Variants in PTPRA observed in about 807,000 individuals in gnomAD.
The protein encoded by PTPRA is protein tyrosine phosphatase receptor type A.
In PTPRA, 25 loss-of-function variants were observed where a neutral mutation model predicts 104.8. That is an observed-to-expected ratio of 0.24 (90% CI 0.17 to 0.33). The LOEUF (loss-of-function observed/expected upper bound fraction) is 0.33, where lower values mean the gene tolerates loss of function less well. PTPRA is among the 10% of genes least tolerant of loss of function. The probability of loss-of-function intolerance (pLI) is 1.00; values close to 1 mark genes in which losing one functional copy is unlikely to be tolerated. For missense variants in PTPRA, 765 were observed against 1,015.3 expected, an observed-to-expected ratio of 0.75 and a Z score of 3.35; for synonymous variants, 323 against 368.9, an observed-to-expected ratio of 0.88 and a Z score of 1.43.
Position 3,037,559 on chromosome 20 carries a change from T to G in PTPRA, c.2334+270T>G, listed in dbSNP as rs1284088846. 6.6e-6 allele frequency among the ~76,000 whole-genome samples: 1 copy of G among 152,176 alleles called. No homozygotes were observed. Among genetic ancestry groups the G allele is most frequent in the East Asian group, 1.9e-4 (1 of 5,198 alleles). ...CTCATCTGTACTTCTCTGTGGGTCTTGGGTAAGGAAGATCCATGAAGAGTA... is the reference window on the plus strand; with the variant it reads ...CTCATCTGTACTTCTCTGTGGGTCTGGGGTAAGGAAGATCCATGAAGAGTA... On this transcript the variant is annotated intron_variant, in intron 23 of 23. Coordinates refer to ENST00000399903, the MANE Select transcript of PTPRA (RefSeq NM_001385305.1). This position sits in a 1 kb window ranked among gnomAD's most constrained non-coding sequence, Gnocchi z 4.3.
chr20:2,881,150 T>TA, intron 1 of PTPRA, among the ~76,000 whole-genome samples: 1 of 151,526 alleles, frequency 6.6e-6, no homozygotes, highest in African/African-American at 2.4e-5. Flanking sequence ...CTACTAAAAA[T>TA]ACAAGAATTC....
In PTPRA at chr20:2,909,892, TATATA is replaced by T. The variant is rs1357829040; in HGVS notation, c.-128-13309_-128-13305del. Among the ~76,000 whole-genome samples the T allele has an allele frequency of 1.4e-4, 19 of 132,070 alleles. No individual in the cohort carries two copies. The East Asian group carries it at 1.9e-3, about 13-fold the overall frequency. 86.6% of individuals were successfully genotyped at this position (132,070 alleles called of 152,430 possible). A position where few individuals can be genotyped will look rare whatever the true frequency, so the allele number is the denominator to read the frequency against. On this transcript the variant is annotated intron_variant, in intron 1 of 23. Transcript: ENST00000399903. The stretch of plus-strand genomic sequence containing the variant: ...TATAATTAAAATATATTAATTATAA[TATATA>T]ATATATGACATATATATGTTATATA...
intron 9 of PTPRA, among the ~76,000 whole-genome samples, chr20:2,996,965 T>A (rs1178038): frequency 0.24 from 36,704 of 152,048 alleles, 7,868 homozygotes; most frequent in African/African-American, 0.58. Context: ...AAAAGCCATG[T>A]ACAAAGATGT....
At chr20:2,890,344 G>A (rs1303945537) in intron 1 of PTPRA, among the ~76,000 whole-genome samples, 1 of 152,010 alleles carries the variant, frequency 6.6e-6, no homozygotes, top group Admixed American at 6.5e-5. Context: ...TGCCTGCCAT[G>A]CTTTTTGTGA....
intron 1 of PTPRA, among the ~76,000 whole-genome samples, chr20:2,921,839 T>C (rs2060109478): frequency 6.6e-6 from 1 of 152,036 alleles, no homozygotes; most frequent in African/African-American, 2.4e-5. Context: ...CCACAAGAGG[T>C]AGAAATGGCT....
chr20:2,920,621 T>C (rs943978175), intron 1 of PTPRA, among the ~76,000 whole-genome samples: 1 of 151,866 alleles, frequency 6.6e-6, no homozygotes, highest in Admixed American at 6.6e-5. Flanking sequence ...GAGGGAGTGA[T>C]GATGGGAATT....
chr20:2,983,191 A>C (rs923314189), intron 6 of PTPRA, among the ~76,000 whole-genome samples: 11 of 152,128 alleles, frequency 7.2e-5, no homozygotes, highest in African/African-American at 2.7e-4. Flanking sequence ...GACAAGTAGG[A>C]GATAACCAGG....
chr20:3,028,093 G>T (rs2065235381), intron 20 of PTPRA, among the ~76,000 whole-genome samples: 2 of 152,264 alleles, frequency 1.3e-5, no homozygotes, highest in African/African-American at 4.8e-5. Flanking sequence ...AATGTGATCT[G>T]AGCCTCCATG....
At chr20:3,003,700 ATTTTTT>A (rs59358849) in intron 9 of PTPRA, among the ~76,000 whole-genome samples, 2 of 105,564 alleles carry the variant, frequency 1.9e-5, no homozygotes, top group Admixed American at 9.7e-5. Flanking sequence ...ATACCTGGCT[ATTTTTT>A]TTTTTTTTTT....
chr20:2,966,228 C>T lies in PTPRA; in HGVS notation c.415+1026C>T, dbSNP rs150982725. On this transcript the variant is annotated intron_variant, in intron 5 of 23. Coordinates refer to ENST00000399903, the MANE Select transcript of PTPRA (RefSeq NM_001385305.1). ...CAGCATTTGCAGTTAAGAGCACAGT[C>T]TTCAGTGCCACACTGAGTTTGAATC... Among the ~76,000 whole-genome samples the T allele has an allele frequency of 6.0e-3, 920 of 152,332 alleles. 7 individuals carry two copies. Among genetic ancestry groups the T allele is most frequent in the African/African-American group, 0.021 (884 of 41,572 alleles).
chr20:3,028,073 C>T (rs755676706), intron 20 of PTPRA, among the ~76,000 whole-genome samples: 55 of 152,324 alleles, frequency 3.6e-4, no homozygotes, highest in Non-Finnish European at 5.6e-4. Flanking sequence ...TCTCCCAAGA[C>T]TAGAAAAGCA....
At chr20:2,979,468 G>GCT (rs1259270374) in intron 6 of PTPRA, among the ~76,000 whole-genome samples, 3 of 152,126 alleles carry the variant, frequency 2.0e-5, no homozygotes, top group African/African-American at 4.8e-5. Context: ...CAGGACAGTT[G>GCT]CTCTTTCACA....
At chr20:3,030,889 A>T (rs1281782692) in intron 20 of PTPRA, among the ~76,000 whole-genome samples, 2 of 151,954 alleles carry the variant, frequency 1.3e-5, no homozygotes, top group African/African-American at 4.8e-5. Context: ...CATGTTGGCC[A>T]TGCTGGTCTC....
At chr20:2,963,763 G>A (rs1366969989) in intron 3 of PTPRA, among the ~76,000 whole-genome samples, 1 of 152,084 alleles carries the variant, frequency 6.6e-6, no homozygotes, top group Non-Finnish European at 1.5e-5. Flanking sequence ...TAGGGACTAG[G>A]TGTGGGAGCT....
chr20:2,897,429 C>T (rs2147061084), intron 1 of PTPRA, among the ~76,000 whole-genome samples: 1 of 148,030 alleles, frequency 6.8e-6, no homozygotes, highest in African/African-American at 2.5e-5. Flanking sequence ...GCTTTGTCAC[C>T]CAGGCTGGAG....
chr20:2,964,719 G>A (rs919419628), intron 4 of PTPRA, 142 bp from the exon 5 acceptor site: 1 of 707,006 alleles, frequency 1.4e-6, no homozygotes. Flanking sequence ...AAAAACGTAG[G>A]GGGTGGGTGG....
At chr20:2,966,768 A>G (rs1395575910) in intron 5 of PTPRA, among the ~76,000 whole-genome samples, 1 of 152,226 alleles carries the variant, frequency 6.6e-6, no homozygotes, top group African/African-American at 2.4e-5. Flanking sequence ...TCATGACACA[A>G]TTCATGAAAT....
intron 18 of PTPRA, 101 bp from the exon 19 acceptor site, chr20:3,027,020 A>T: frequency 7.7e-7 from 1 of 1,295,380 alleles, no homozygotes; most frequent in Non-Finnish European, 1.1e-6. Flanking sequence ...GTCCTTGCCC[A>T]GCTGGGATTC....
chr20:2,981,789 C>T (rs1236991696), intron 6 of PTPRA, among the ~76,000 whole-genome samples: 4 of 152,138 alleles, frequency 2.6e-5, no homozygotes, highest in African/African-American at 9.7e-5. Flanking sequence ...TCCCAATTCC[C>T]TCTGAGCTTG....
Sources: gnomAD v4.1 joint callset for allele counts (sites outside exome capture counted in the v4.1 genomes callset) on GRCh38, gnomAD v4.1.1 for gene constraint, Gnocchi (gnomAD v3.1) non-coding constraint, MANE v1.5 for transcripts, NCBI Gene and HGNC (gene_info 2026-07-23, HGNC 2026-07-21) for gene names.